Variants in ARHGEF11 observed in about 807,000 individuals in gnomAD.
The protein encoded by ARHGEF11 is Rho guanine exchange factor (GEF) 11.
A neutral mutation model predicts 193.7 loss-of-function variants in ARHGEF11; 55 were observed. The observed-to-expected ratio is 0.28, with a 90% confidence interval of 0.23 to 0.36. The LOEUF (loss-of-function observed/expected upper bound fraction) is 0.36. ARHGEF11 is among the 10% of genes least tolerant of loss of function. The pLI is 1.00. For missense variants in ARHGEF11, 1,723 were observed against 2,005.6 expected, an observed-to-expected ratio of 0.86 and a Z score of 2.69; for synonymous variants, 693 against 768.0, an observed-to-expected ratio of 0.90 and a Z score of 1.62.
chr1:156,981,255 C>T (rs1443337531), intron 3 of ARHGEF11, among the ~76,000 whole-genome samples: 9 of 151,958 alleles, frequency 5.9e-5, no homozygotes, highest in Admixed American at 2.0e-4. Context: ...GTTGCCCAGG[C>T]TGGTCTTGAA....
chr1:157,002,624 C>A (rs749732753), intron 1 of ARHGEF11, among the ~76,000 whole-genome samples: 38 of 152,124 alleles, frequency 2.5e-4, no homozygotes, highest in Non-Finnish European at 4.7e-4. Flanking sequence ...GTTCATATCT[C>A]ACTCCAACTA....
chr1:157,007,907 T>G (rs12065656), intron 1 of ARHGEF11, among the ~76,000 whole-genome samples: 2,282 of 59,062 alleles, frequency 0.039, 59 homozygotes, highest in African/African-American at 0.096. Context: ...AGGTTTTTTT[T>G]TTTTTGTTTT....
At chr1:156,992,595 G>GTA (rs761863659) in intron 1 of ARHGEF11, among the ~76,000 whole-genome samples, 14 of 134,574 alleles carry the variant, frequency 1.0e-4, no homozygotes, top group South Asian at 2.4e-4. Flanking sequence ...GTGTGAATGT[G>GTA]TATATATATG....
intron 1 of ARHGEF11, among the ~76,000 whole-genome samples, chr1:156,991,640 CA>C (rs1196619711): frequency 6.7e-6 from 1 of 148,868 alleles, no homozygotes; most frequent in Non-Finnish European, 1.5e-5. Flanking sequence ...TTTATGTTAT[CA>C]ATTTGAGATA....
chr1:156,985,042 TA>T (rs1664725514), intron 2 of ARHGEF11, among the ~76,000 whole-genome samples: 1 of 151,440 alleles, frequency 6.6e-6, no homozygotes, highest in Admixed American at 6.6e-5. Context: ...AATACAGAAT[TA>T]AAAAACAAAA....
rs1477011042 is a variant in ARHGEF11, at chr1:156,973,702, A to T, written c.583-1886T>A. Among the ~76,000 whole-genome samples the T allele has an allele frequency of 2.0e-5, 3 of 152,054 alleles. No individual in the cohort carries two copies. The East Asian group carries it at 5.8e-4, about 29-fold the overall frequency. ...TCCTCTATCTCACTCTGTCACTGGT[A>T]TCACCTGATCTACCCAGACACACAA... On this transcript the variant is annotated intron_variant, in intron 7 of 40. Transcript: ENST00000368194.
chr1:156,956,638 C>T (rs1660001044), intron 18 of ARHGEF11, 74 bp from the exon 19 acceptor site: 14 of 1,592,218 alleles, frequency 8.8e-6, no homozygotes, highest in African/African-American at 1.3e-5. Context: ...CTCTTCACCA[C>T]CACGCAGTGG....
chr1:156,994,390 G>GTAT (rs1203811309), intron 1 of ARHGEF11, among the ~76,000 whole-genome samples: 5 of 25,444 alleles, frequency 2.0e-4, no homozygotes, highest in African/African-American at 5.5e-4. Flanking sequence ...GTTTTATTGT[G>GTAT]TGTTTTTTTT....
intron 1 of ARHGEF11, among the ~76,000 whole-genome samples, chr1:157,033,905 T>C (rs900858744): frequency 6.6e-6 from 1 of 152,074 alleles, no homozygotes; most frequent in Non-Finnish European, 1.5e-5. Context: ...ATCACAGGAG[T>C]AAGTTTGGGT....
chr1:156,946,589 G>A (rs1658169894), intron 28 of ARHGEF11, 73 bp downstream of exon 28: 2 of 1,605,372 alleles, frequency 1.2e-6, no homozygotes, highest in East Asian at 2.2e-5. Context: ...GTGGCCAGAA[G>A]GAGAGAAGTT....
In ARHGEF11 at chr1:156,968,047, C is replaced by A. The variant is rs749297160; in HGVS notation, c.903G>T (p.Arg301Ser). 3.1e-6 allele frequency: 5 copies of A among 1,614,182 alleles called. No individual in the cohort carries two copies. The highest frequency in any genetic ancestry group is 4.2e-6 in the Non-Finnish European group (5 of 1,179,998). Reference sequence around the variant, plus strand: ...CCTGCCGCCTGTGGTGCTGGGCCACCCTGGCCATGATCACAGGGGAGGTTC... The same window carrying A: ...CCTGCCGCCTGTGGTGCTGGGCCACACTGGCCATGATCACAGGGGAGGTTC... ...SPRTSPVIMA[R>S]VAQHHRRQGS... The change falls in exon 11 of 41, where the codon AGG becomes AGT. Residue 301 changes from arginine (R) to serine (S), a missense_variant. Physicochemically the swap from Arg to Ser is moderately radical, Grantham distance 110. Transcript: ENST00000368194.
At chr1:157,002,304 T>C (rs1275702342) in intron 1 of ARHGEF11, among the ~76,000 whole-genome samples, 1 of 152,204 alleles carries the variant, frequency 6.6e-6, no homozygotes, top group Non-Finnish European at 1.5e-5. Context: ...CAACAGCGAC[T>C]GAGCAATCAG....
intron 35 of ARHGEF11, 142 bp from the exon 36 acceptor site, chr1:156,940,567 C>T (rs894961390): frequency 8.6e-5 from 56 of 650,672 alleles, no homozygotes; most frequent in Non-Finnish European, 1.2e-4. Flanking sequence ...ATGGCCAGCA[C>T]TGTCCCAGGC....
chr1:156,944,753 T>A (rs1295207721), intron 30 of ARHGEF11, among the ~76,000 whole-genome samples: 1 of 152,138 alleles, frequency 6.6e-6, no homozygotes, highest in East Asian at 1.9e-4. Context: ...TCCCAGAAGA[T>A]CTCCACCTTA....
At chr1:156,951,980 T>C (rs1463036410) in intron 21 of ARHGEF11, among the ~76,000 whole-genome samples, 1 of 151,788 alleles carries the variant, frequency 6.6e-6, no homozygotes, top group Non-Finnish European at 1.5e-5. Context: ...GGCTCTCACA[T>C]TATTATAATA....
upstream of ARHGEF11, among the ~76,000 whole-genome samples, chr1:157,046,440 T>A (rs572211649): frequency 2.0e-3 from 116 of 58,116 alleles, no homozygotes; most frequent in African/African-American, 7.4e-3. Context: ...CAGCTGCGGC[T>A]CACCCTCTCT....
intron 20 of ARHGEF11, 40 bp downstream of exon 20, chr1:156,955,663 C>A (rs376769569): frequency 2.0e-6 from 3 of 1,522,362 alleles, no homozygotes; most frequent in Non-Finnish European, 2.7e-6. Context: ...GAGGTCCCTG[C>A]CCAAGGAATG....
At chr1:157,044,238 A>C (rs367623558) in intron 1 of ARHGEF11, 61 bp downstream of exon 1, 1 of 1,510,964 alleles carries the variant, frequency 6.6e-7, no homozygotes, top group Non-Finnish European at 9.2e-7. Context: ...AAAATGCAAC[A>C]CCACCCCTCC....
intron 6 of ARHGEF11, 115 bp from the exon 7 acceptor site, chr1:156,977,169 A>G: frequency 1.1e-6 from 1 of 903,292 alleles, no homozygotes; most frequent in Non-Finnish European, 1.8e-6. Flanking sequence ...CTGGATCATA[A>G]GTATGTTTTA....
Sources: gnomAD v4.1 joint callset for allele counts (sites outside exome capture counted in the v4.1 genomes callset) on GRCh38, gnomAD v4.1.1 for gene constraint, MANE v1.5 for transcripts, NCBI Gene and HGNC (gene_info 2026-07-23, HGNC 2026-07-21) for gene names.